Variants in GABRG3 observed in about 807,000 individuals in gnomAD.
The protein encoded by GABRG3 is gamma-aminobutyric acid type A receptor subunit gamma3.
Under a neutral mutation model 48.8 loss-of-function variants are expected in GABRG3, and 25 were observed. The ratio of observed to expected loss-of-function variants is 0.51; its 90% confidence interval spans 0.37 to 0.72. The LOEUF is 0.72. Among genes scored for constraint, GABRG3 ranks in the 30% least tolerant of loss-of-function variants. The pLI, the probability that GABRG3 is intolerant of heterozygous loss-of-function variation, is 0.00. For synonymous variants in GABRG3, 227 were observed against 217.6 expected (o/e 1.04, Z -0.38); for missense variants, 394 against 577.9 (o/e 0.68, Z 3.26).
At chr15:27,438,878 G>A (rs1481010265) in intron 5 of GABRG3, among the ~76,000 whole-genome samples, 1 of 152,218 alleles carries the variant, frequency 6.6e-6, no homozygotes, top group Non-Finnish European at 1.5e-5. Context: ...ACCTGGAGGA[G>A]CCAGGTGTCT....
At chr15:26,997,854 T>A (rs1156318298) in intron 2 of GABRG3, among the ~76,000 whole-genome samples, 1 of 152,226 alleles carries the variant, frequency 6.6e-6, no homozygotes, top group Non-Finnish European at 1.5e-5. Flanking sequence ...ACAGCCTTAG[T>A]TATGTATAGT....
chr15:27,349,959 A>AGC (rs755764597), intron 5 of GABRG3, among the ~76,000 whole-genome samples: 1,608 of 4,172 alleles, frequency 0.39, 14 homozygotes, highest in Admixed American at 0.45. Context: ...CAGTGACAAT[A>AGC]ACAAAAAAAA....
At chr15:27,439,814 G>C (rs1186458126) in intron 5 of GABRG3, among the ~76,000 whole-genome samples, 1 of 152,210 alleles carries the variant, frequency 6.6e-6, no homozygotes, top group Non-Finnish European at 1.5e-5. Flanking sequence ...CAGATCACTG[G>C]GTTATTAGTC....
At chr15:27,384,375 A>AAT (rs574741059) in intron 5 of GABRG3, among the ~76,000 whole-genome samples, 71 of 152,300 alleles carry the variant, frequency 4.7e-4, no homozygotes, top group Middle Eastern at 3.4e-3. Context: ...CATTAAGTGA[A>AAT]ATGATTCCAG....
At chr15:27,068,392 G>T (rs530053236) in intron 3 of GABRG3, among the ~76,000 whole-genome samples, 3 of 152,228 alleles carry the variant, frequency 2.0e-5, no homozygotes, top group Non-Finnish European at 2.9e-5. Flanking sequence ...TCTGTGCACT[G>T]TAGGAGCCTG....
Position 27,310,061 on chromosome 15 carries a change from C to T in GABRG3, c.271-16748C>T, listed in dbSNP as rs572009168. On this transcript the variant is annotated intron_variant, in intron 3 of 9. Transcript: ENST00000615808. ...TATGCTAGGGAATGAAGCCACACAC[C>T]AAAGGTTGATACTATAGTATTCCAT... 1.2e-4 allele frequency among the ~76,000 whole-genome samples: 18 copies of T among 152,108 alleles called. No individual in the cohort carries two copies. The South Asian group carries it at 2.9e-3, about 25-fold the overall frequency.
At chr15:27,238,962 G>A (rs954745568) in intron 3 of GABRG3, among the ~76,000 whole-genome samples, 4 of 152,126 alleles carry the variant, frequency 2.6e-5, no homozygotes, top group South Asian at 2.1e-4. Flanking sequence ...TTTGGCATGC[G>A]GAAGTGTCAA....
intron 6 of GABRG3, among the ~76,000 whole-genome samples, chr15:27,492,190 A>G (rs1299464161): frequency 3.9e-5 from 6 of 152,258 alleles, no homozygotes; most frequent in Non-Finnish European, 8.8e-5. Context: ...CCAGCCCCCA[A>G]TTCTAATGAG....
intron 3 of GABRG3, among the ~76,000 whole-genome samples, chr15:27,314,375 T>G (rs1413017187): frequency 6.6e-6 from 1 of 152,136 alleles, no homozygotes; most frequent in East Asian, 1.9e-4. Context: ...TCACTTCACA[T>G]CTGTTAAAAT....
intron 3 of GABRG3, among the ~76,000 whole-genome samples, chr15:27,186,255 A>C (rs912057454): frequency 1.3e-5 from 2 of 152,148 alleles, no homozygotes; most frequent in African/African-American, 4.8e-5. Context: ...ATGTAAGAAC[A>C]TGTGGTATTT....
chr15:27,090,706 T>C (rs1897170442), intron 3 of GABRG3, among the ~76,000 whole-genome samples: 2 of 152,260 alleles, frequency 1.3e-5, no homozygotes, highest in Non-Finnish European at 1.5e-5. Context: ...ACAAGACTTG[T>C]ACTTCTTTGG....
intron 3 of GABRG3, among the ~76,000 whole-genome samples, chr15:27,106,797 A>G (rs1566937109): frequency 6.6e-6 from 1 of 152,066 alleles, no homozygotes; most frequent in Non-Finnish European, 1.5e-5. Flanking sequence ...GAATAATTTT[A>G]TGCTCATGAA....
intron 3 of GABRG3, among the ~76,000 whole-genome samples, chr15:27,145,961 C>A (rs1420600608): frequency 6.6e-6 from 1 of 151,800 alleles, no homozygotes; most frequent in Admixed American, 6.6e-5. Flanking sequence ...AAAATAGACT[C>A]AAAGTGTTAG....
chr15:27,043,684 T>C (rs184892777), intron 3 of GABRG3, among the ~76,000 whole-genome samples: 1 of 152,228 alleles, frequency 6.6e-6, no homozygotes, highest in Non-Finnish European at 1.5e-5. Flanking sequence ...ATTGTCCTAA[T>C]TTTTGTCTTT....
chr15:27,238,086 GTGATGGGATCATCT>G (rs765752525), intron 3 of GABRG3, among the ~76,000 whole-genome samples: 3 of 149,398 alleles, frequency 2.0e-5, no homozygotes, highest in Non-Finnish European at 3.0e-5. Flanking sequence ...TGGACCTGGT[GTGATGGGATCATCT>G]TGAGATTCTG....
chr15:26,978,939 A>G (rs1895001961), intron 2 of GABRG3, among the ~76,000 whole-genome samples: 1 of 152,128 alleles, frequency 6.6e-6, no homozygotes, highest in African/African-American at 2.4e-5. Flanking sequence ...CATCTCTACT[A>G]TGTTGCATCT....
intron 6 of GABRG3, among the ~76,000 whole-genome samples, chr15:27,493,237 C>T (rs1384240299): frequency 2.0e-5 from 3 of 152,096 alleles, no homozygotes; most frequent in African/African-American, 7.2e-5. Flanking sequence ...GAGACATACT[C>T]TTTTCCATAC....
intron 2 of GABRG3, among the ~76,000 whole-genome samples, chr15:26,987,908 C>A (rs1237048742): frequency 6.6e-6 from 1 of 152,170 alleles, no homozygotes; most frequent in African/African-American, 2.4e-5. Flanking sequence ...TTTTTGATTT[C>A]TTCTTTGACC....
intron 2 of GABRG3, among the ~76,000 whole-genome samples, chr15:26,985,656 C>G (rs1285175265): frequency 1.3e-5 from 2 of 151,984 alleles, no homozygotes; most frequent in Non-Finnish European, 1.5e-5. Context: ...CCCCCACTTG[C>G]ATTTTTCTGA....
Sources: allele counts gnomAD v4.1 joint callset (sites outside exome capture counted in the v4.1 genomes callset), GRCh38; gene constraint gnomAD v4.1.1; transcripts MANE v1.5; gene names NCBI Gene and HGNC (gene_info 2026-07-23, HGNC 2026-07-21).